STAT1: variants seen among roughly 807,000 people sequenced by gnomAD.
The protein encoded by STAT1 is signal transducer and activator of transcription 1-alpha/beta.
STAT1 carries 24 observed loss-of-function variants against 111.7 expected under a neutral mutation model. That is an observed-to-expected ratio of 0.21 (90% CI 0.16 to 0.30). STAT1 has a LOEUF of 0.30. Ranked by LOEUF, STAT1 falls within the 10% of genes least tolerant of loss-of-function variation. The pLI is 1.00. For synonymous variants in STAT1, 332 were observed against 326.5 expected, an observed-to-expected ratio of 1.02 and a Z score of -0.18; for missense variants, 351 against 911.9, an observed-to-expected ratio of 0.38 and a Z score of 7.92.
At position 191,006,812 on chromosome 2, in the gene STAT1, C is replaced by T. The variant is rs577347516; in HGVS notation, c.372+751G>A. ...AAAACAATGATCAAAAATCTTGATA[C>T]TAGTACAACTCTGACTCATTTACTG... is the stretch of plus-strand genomic sequence containing the variant. On this transcript the variant is annotated intron_variant, in intron 5 of 24. Coordinates refer to ENST00000361099, the MANE Select transcript of STAT1 (RefSeq NM_007315.4). This position sits in a 1 kb window ranked among gnomAD's most constrained non-coding sequence, Gnocchi z 4.6. Among the ~76,000 whole-genome samples the T allele has an allele frequency of 1.4e-4, 22 of 152,338 alleles. No individual in the cohort carries two copies. In the East Asian group the frequency reaches 2.7e-3, roughly 19 times the overall value.
rs1694051166 is a variant in STAT1, at chr2:190,998,859, C to A, written c.542-551G>T. Reference sequence around the variant, plus strand: ...TAAAATGTTTTATCTGAACAGAATTCAGATAAAAAATGTATACAAAGCATA... The same window carrying A: ...TAAAATGTTTTATCTGAACAGAATTAAGATAAAAAATGTATACAAAGCATA... On this transcript the variant is annotated intron_variant, in intron 7 of 24. Transcript: ENST00000361099. The surrounding 1 kb of genome is among the most constrained non-coding windows in gnomAD (Gnocchi z 4.1). Among the ~76,000 whole-genome samples the A allele has an allele frequency of 6.6e-6, 1 of 151,512 alleles. No homozygotes were observed. The highest frequency in any genetic ancestry group is 2.1e-4 in the South Asian group (1 of 4,792).
At chr2:190,988,488 C>T (rs912470140) in intron 12 of STAT1, among the ~76,000 whole-genome samples, 6 of 152,240 alleles carry the variant, frequency 3.9e-5, no homozygotes, top group African/African-American at 7.2e-5. Context: ...AAGCGATTCT[C>T]GTGCCTCGGC....
chr2:190,976,744 C>T lies in STAT1; in HGVS notation c.2059+96G>A, dbSNP rs1691934343. 8 of 1,124,776 alleles carry T rather than the reference C, an allele frequency of 7.1e-6. No homozygotes were observed. Among genetic ancestry groups the T allele is most frequent in the South Asian group, 3.8e-5 (3 of 78,438 alleles). 69.7% of individuals were successfully genotyped at this position (1,124,776 alleles called of 1,614,324 possible). ...TTTTGAAAGCCTACTCTTACCAATT[C>T]GAAAGCAAAACACTGCATGGGTGGA... On this transcript the variant is annotated intron_variant, in intron 22 of 24. Transcript: ENST00000361099. The surrounding 1 kb of genome is among the most constrained non-coding windows in gnomAD (Gnocchi z 6.0).
chr2:190,998,555 G>T lies in STAT1; in HGVS notation c.542-247C>A, dbSNP rs767607715. 2.0e-4 allele frequency among the ~76,000 whole-genome samples: 30 copies of T among 151,914 alleles called. No individual in the cohort carries two copies. Among genetic ancestry groups the T allele is most frequent in the Non-Finnish European group, 3.5e-4 (24 of 67,988 alleles). On this transcript the variant is annotated intron_variant, in intron 7 of 24. Coordinates refer to ENST00000361099, the MANE Select transcript of STAT1 (RefSeq NM_007315.4). The surrounding 1 kb of genome is among the most constrained non-coding windows in gnomAD (Gnocchi z 4.1). Reference sequence around the variant, plus strand: ...CAGACGCCTGTAGTCCCAGCTACTCGGGAGGCTGAGGCAGGAGAACAGCAT... The same window carrying T: ...CAGACGCCTGTAGTCCCAGCTACTCTGGAGGCTGAGGCAGGAGAACAGCAT...
rs551727276 is a variant in STAT1, at chr2:190,985,669, C to T, written c.1222-9G>A. 6.2e-7 allele frequency: 1 copy of T among 1,613,996 alleles called. No individual in the cohort carries two copies. The highest frequency in any genetic ancestry group is 8.5e-7 in the Non-Finnish European group (1 of 1,179,844). On this transcript the variant is annotated splice_polypyrimidine_tract_variant and intron_variant, in intron 14 of 24. Transcript: ENST00000361099. Reference sequence around the variant, plus strand: ...TTCTGTTCTTTCAATTGCTATAAAACAAATAATCATCTTAGTAAACACCAT... The same window carrying T: ...TTCTGTTCTTTCAATTGCTATAAAATAAATAATCATCTTAGTAAACACCAT...
chr2:190,979,655 G>T lies in STAT1; in HGVS notation c.1727+117C>A. 2.6e-6 allele frequency: 2 copies of T among 771,714 alleles called. No individual in the cohort carries two copies. The highest frequency in any genetic ancestry group is 2.0e-5 in the Admixed American group (1 of 50,346). 47.8% of individuals were successfully genotyped at this position (771,714 alleles called of 1,614,324 possible). ...AGCCCTGAAGGGGCAGCCTATAAATGCGCACTCCTGTGAGATTCACACACG... is the reference window on the plus strand; with the variant it reads ...AGCCCTGAAGGGGCAGCCTATAAATTCGCACTCCTGTGAGATTCACACACG... On this transcript the variant is annotated intron_variant, in intron 20 of 24. Transcript: ENST00000361099. This position sits in a 1 kb window ranked among gnomAD's most constrained non-coding sequence, Gnocchi z 5.8.
intron 2 of STAT1, among the ~76,000 whole-genome samples, chr2:191,010,212 A>G (rs1044798846): frequency 2.6e-5 from 4 of 152,182 alleles, no homozygotes; most frequent in Non-Finnish European, 5.9e-5. Flanking sequence ...CCTCCACGAA[A>G]CACATCTTCA....
Position 190,998,173 on chromosome 2 carries a change from T to C in STAT1, c.633+44A>G. On this transcript the variant is annotated intron_variant, in intron 8 of 24. Transcript: ENST00000361099. The surrounding 1 kb of genome is among the most constrained non-coding windows in gnomAD (Gnocchi z 4.1). ...TAAACTTTGAGTCCATTATTTACAG[T>C]GTATAACAAAAGTGGCATGCTATTC... The C allele has an allele frequency of 1.3e-6, 2 of 1,581,660 alleles. No homozygotes were observed. Among genetic ancestry groups the C allele is most frequent in the Non-Finnish European group, 1.7e-6 (2 of 1,150,980 alleles).
At chr2:190,992,085 T>C (rs1693394136) in intron 10 of STAT1, among the ~76,000 whole-genome samples, 1 of 152,254 alleles carries the variant, frequency 6.6e-6, no homozygotes, top group African/African-American at 2.4e-5. Flanking sequence ...GTTGTTTTGT[T>C]ACATAGTATG....
In STAT1 at chr2:191,009,206, A is replaced by C. The variant is rs898158710; in HGVS notation, c.129-99T>G. On this transcript the variant is annotated intron_variant, in intron 3 of 24. Transcript: ENST00000361099. The stretch of plus-strand genomic sequence containing the variant: ...TTTCCTTATTGAAATTATTAAAAAT[A>C]ATTTAAGTATTTTCTTAGGTTTATT... 7.2e-6 allele frequency: 10 copies of C among 1,380,874 alleles called. No individual in the cohort carries two copies. In the Admixed American group the frequency reaches 1.4e-4, roughly 20 times the overall value. The allele number at this position is 1,380,874 out of a possible 1,614,324, so 85.5% of individuals were successfully genotyped here. A position where few individuals can be genotyped will look rare whatever the true frequency, so the allele number is the denominator to read the frequency against.
rs538885747 is a variant in STAT1, at chr2:190,998,315, A to G, written c.542-7T>C. On this transcript the variant is annotated splice_polypyrimidine_tract_variant and splice_region_variant and intron_variant, in intron 7 of 24. Transcript: ENST00000361099. This position sits in a 1 kb window ranked among gnomAD's most constrained non-coding sequence, Gnocchi z 4.1. ...ACACCATTGGTCTCGTGTTCTATAAATTGAGAGACAGCCAGTAAATATATA... is the reference window on the plus strand; with the variant it reads ...ACACCATTGGTCTCGTGTTCTATAAGTTGAGAGACAGCCAGTAAATATATA... The G allele has an allele frequency of 2.5e-6, 4 of 1,603,818 alleles. No individual in the cohort carries two copies. In the Admixed American group the frequency reaches 6.7e-5, roughly 27 times the overall value.
At position 190,994,928 on chromosome 2, in the gene STAT1, ATATATATATAT is replaced by A. The variant is rs1221380775; in HGVS notation, c.944+122_944+132del. ...AGACTCTATCTCAAAAAAAAAAAAAATATATATATATATATATATATATATATATAAAAAAC... is the reference window on the plus strand; with the variant it reads ...AGACTCTATCTCAAAAAAAAAAAAAAATATATATATATATATATAAAAAAC... On this transcript the variant is annotated intron_variant, in intron 10 of 24. Transcript: ENST00000361099. The A allele has an allele frequency of 7.0e-4, 78 of 111,660 alleles. 2 individuals are homozygous for A. The highest frequency in any genetic ancestry group is 2.3e-3 in the African/African-American group (57 of 24,844). The allele number at this position is 111,660 out of a possible 1,614,324, so 6.9% of individuals were successfully genotyped here.
At position 190,984,436 on chromosome 2, in the gene STAT1, C is replaced by T; in HGVS notation, c.1264-43G>A. ...AAGAAGAAAAGAATATAATTATTCACAGATCCTAAAACTTTCAAAAGCCCA... is the reference window on the plus strand; with the variant it reads ...AAGAAGAAAAGAATATAATTATTCATAGATCCTAAAACTTTCAAAAGCCCA... On this transcript the variant is annotated intron_variant, in intron 15 of 24. Coordinates refer to ENST00000361099, the MANE Select transcript of STAT1 (RefSeq NM_007315.4). The surrounding 1 kb of genome is among the most constrained non-coding windows in gnomAD (Gnocchi z 5.2). 2 of 1,559,348 alleles carry T rather than the reference C, an allele frequency of 1.3e-6. No individual in the cohort carries two copies. The highest frequency in any genetic ancestry group is 1.8e-6 in the Non-Finnish European group (2 of 1,132,548).
chr2:190,991,220 C>T lies in STAT1; in HGVS notation c.1037+8G>A. The T allele has an allele frequency of 1.2e-6, 2 of 1,613,858 alleles. No homozygotes were observed. The highest frequency in any genetic ancestry group is 1.7e-6 in the Non-Finnish European group (2 of 1,179,780). ...GTGATGTATGGGATGCCATCTTTCCCTTGTTACCTCAACTTCACAGTGAAC... is the reference window on the plus strand; with the variant it reads ...GTGATGTATGGGATGCCATCTTTCCTTTGTTACCTCAACTTCACAGTGAAC... On this transcript the variant is annotated splice_region_variant and intron_variant, in intron 11 of 24. Coordinates refer to ENST00000361099, the MANE Select transcript of STAT1 (RefSeq NM_007315.4).
At position 190,973,913 on chromosome 2, in the gene STAT1, T is replaced by C. The variant is rs890970354; in HGVS notation, c.2238+917A>G. On this transcript the variant is annotated intron_variant, in intron 24 of 24. Transcript: ENST00000361099. The surrounding 1 kb of genome is among the most constrained non-coding windows in gnomAD (Gnocchi z 4.4). ...GCCTTATCATCGCATTCCCCAAATG[T>C]CTGAAGAGTGACGCCCTCTCATTCT... Among the ~76,000 whole-genome samples, 1 of 152,160 alleles carries C rather than the reference T, an allele frequency of 6.6e-6. No individual in the cohort carries two copies. The highest frequency in any genetic ancestry group is 2.4e-5 in the African/African-American group (1 of 41,424).
rs1342771316 is a variant in STAT1 at position 190,979,082 on chromosome 2, A to G, written c.1728-81T>C. 6.3e-6 allele frequency: 10 copies of G among 1,575,266 alleles called. No individual in the cohort carries two copies. The highest frequency in any genetic ancestry group is 1.7e-5 in the Admixed American group (1 of 57,476). ...TCATGCTAACTTACAAACCAAGAAA[A>G]TGGCTGGAATGTGAGAAAAAAAACC... On this transcript the variant is annotated intron_variant, in intron 20 of 24. Transcript: ENST00000361099. The surrounding 1 kb of genome is among the most constrained non-coding windows in gnomAD (Gnocchi z 5.8).
rs553598896 is a variant in STAT1, at chr2:190,982,329, G to A, written c.1582+54C>T. ...CAGAGGGGAAAAGAGCAATTAGAGAGATATTTTTATGAATTTCAATTTTTA... is the reference window on the plus strand; with the variant it reads ...CAGAGGGGAAAAGAGCAATTAGAGAAATATTTTTATGAATTTCAATTTTTA... On this transcript the variant is annotated intron_variant, in intron 18 of 24. Transcript: ENST00000361099. This position sits in a 1 kb window ranked among gnomAD's most constrained non-coding sequence, Gnocchi z 7.3. The A allele has an allele frequency of 6.3e-7, 1 of 1,598,716 alleles. No homozygotes were observed. The highest frequency in any genetic ancestry group is 2.2e-5 in the East Asian group (1 of 44,800).
Position 190,971,787 on chromosome 2 carries a change from AC to A in STAT1, c.2239-1071del, listed in dbSNP as rs1438327763. 6.6e-6 allele frequency among the ~76,000 whole-genome samples: 1 copy of A among 151,128 alleles called. No homozygotes were observed. Among genetic ancestry groups the A allele is most frequent in the Non-Finnish European group, 1.5e-5 (1 of 67,858 alleles). On this transcript the variant is annotated intron_variant, in intron 24 of 24. Transcript: ENST00000361099. This position sits in a 1 kb window ranked among gnomAD's most constrained non-coding sequence, Gnocchi z 4.1. The stretch of plus-strand genomic sequence containing the variant: ...GAGTGCAGTGGCACCATCTTGGCTC[AC>A]TGCAACCTCCACCTTCCAGGTTCAA...
rs41449550 is a variant in STAT1, at chr2:190,999,858, A to C, written c.463-154T>G. Among the ~76,000 whole-genome samples the C allele has an allele frequency of 6.6e-6, 1 of 152,216 alleles. No homozygotes were observed. The highest frequency in any genetic ancestry group is 1.5e-5 in the Non-Finnish European group (1 of 68,040). ...GACTTGGACAGTTCTAATCATATAC[A>C]TGAAATAATTTCGGTTTCATTAATA... On this transcript the variant is annotated intron_variant, in intron 6 of 24. Transcript: ENST00000361099. This position sits in a 1 kb window ranked among gnomAD's most constrained non-coding sequence, Gnocchi z 4.1.
Sources: allele counts gnomAD v4.1 joint callset (sites outside exome capture counted in the v4.1 genomes callset), GRCh38; gene constraint gnomAD v4.1.1; non-coding constraint Gnocchi (gnomAD v3.1); transcripts MANE v1.5; gene names NCBI Gene and HGNC (gene_info 2026-07-23, HGNC 2026-07-21).